The following ITGA4 variants were observed in gnomAD, a reference collection of about 807,000 sequenced individuals.
The protein encoded by ITGA4 is integrin alpha-4.
Under a neutral mutation model 133.6 loss-of-function variants are expected in ITGA4, and 63 were observed. The ratio of observed to expected loss-of-function variants is 0.47; its 90% CI spans 0.38 to 0.58. The LOEUF (loss-of-function observed/expected upper bound fraction) is 0.58. Among genes scored for constraint, ITGA4 ranks in the 20% least tolerant of loss-of-function variants. The probability of loss-of-function intolerance (pLI) is 0.00; values close to 1 mark genes in which losing one functional copy is unlikely to be tolerated. For missense variants in ITGA4, 1,076 were observed against 1,252.7 expected (o/e 0.86, Z 2.13); for synonymous variants, 483 against 438.0 (o/e 1.10, Z -1.28).
chr2:181,472,294 A>G (rs369575358), intron 2 of ITGA4, among the ~76,000 whole-genome samples: 11 of 152,290 alleles, frequency 7.2e-5, no homozygotes, highest in African/African-American at 2.6e-4. Context: ...TTTTTTGGCC[A>G]TTTTCATTAA....
At chr2:181,500,405 G>C (rs1686243416) in intron 15 of ITGA4, among the ~76,000 whole-genome samples, 1 of 152,076 alleles carries the variant, frequency 6.6e-6, no homozygotes. Flanking sequence ...ACCTCCACCA[G>C]GGTAATAGCC....
In ITGA4 at chr2:181,537,842, A is replaced by G. The variant is rs1687244638; in HGVS notation, c.*2315A>G. On this transcript the variant is annotated 3_prime_UTR_variant, in exon 28 of 28. Coordinates refer to ENST00000397033, the MANE Select transcript of ITGA4 (RefSeq NM_000885.6). ...CTAATTGTTAGTAACATCAATTTCT[A>G]TTAGGATATCCGTTTGGCCACACAG... The G allele has an allele frequency of 2.0e-6, 1 of 492,228 alleles. No homozygotes were observed. Among genetic ancestry groups the G allele is most frequent in the African/African-American group, 1.9e-5 (1 of 51,694 alleles). 30.5% of individuals were successfully genotyped at this position (492,228 alleles called of 1,614,324 possible).
rs202076926 is a variant in ITGA4, at chr2:181,522,205, A to G, written c.1937A>G (p.Lys646Arg). 5.9e-5 allele frequency: 93 copies of G among 1,583,984 alleles called. No homozygotes were observed. The highest frequency in any genetic ancestry group is 2.3e-4 in the Admixed American group (13 of 55,442). The part of the protein sequence containing the change: ...KIGFLKPHEN[K>R]TYLAVGSMKT... The stretch of plus-strand genomic sequence containing the variant: ...TTAATTTTTAGGCCCCATGAAAATA[A>G]AACATATCTTGCTGTTGGGAGTATG... The change falls in exon 18 of 28, where the codon AAA becomes AGA. Residue 646 changes from lysine (K) to arginine (R), a missense_variant. Lys to Arg is a conservative substitution (Grantham distance 26). This residue lies in a region of ITGA4 where 365 missense variants were observed against 421.4 expected (regional missense o/e 0.87). Transcript: ENST00000397033.
intron 2 of ITGA4, among the ~76,000 whole-genome samples, chr2:181,470,684 ACTT>A (rs149319590): frequency 0.013 from 1,958 of 152,198 alleles, 48 homozygotes; most frequent in African/African-American, 0.042. Flanking sequence ...TAGCAGTCTT[ACTT>A]CTTCTACCAA....
intron 23 of ITGA4, among the ~76,000 whole-genome samples, chr2:181,530,128 A>C (rs1458502281): frequency 6.6e-6 from 1 of 152,240 alleles, no homozygotes; most frequent in East Asian, 1.9e-4. Context: ...AAGTCAACAA[A>C]TCTACTAAAT....
At chr2:181,466,730 TAGTA>T (rs1685425343) in intron 2 of ITGA4, among the ~76,000 whole-genome samples, 1 of 152,156 alleles carries the variant, frequency 6.6e-6, no homozygotes, top group African/African-American at 2.4e-5. Context: ...TTAATGGATT[TAGTA>T]AGTATTAGGA....
intron 2 of ITGA4, 115 bp from the exon 3 acceptor site, chr2:181,474,845 G>A: frequency 1.4e-6 from 1 of 691,976 alleles, no homozygotes; most frequent in South Asian, 1.9e-5. Flanking sequence ...ATTGTGCACT[G>A]AATATAAGAT....
intron 15 of ITGA4, among the ~76,000 whole-genome samples, chr2:181,504,362 A>G (rs1340615770): frequency 6.6e-6 from 1 of 152,084 alleles, no homozygotes; most frequent in African/African-American, 2.4e-5. Flanking sequence ...TCTAAAACTC[A>G]TCTTTTTTCC....
At chr2:181,493,530 C>A in intron 11 of ITGA4, 111 bp downstream of exon 11, 1 of 568,424 alleles carries the variant, frequency 1.8e-6, no homozygotes, top group Non-Finnish European at 3.1e-6. Flanking sequence ...AAATACTTAA[C>A]ACTTTATTTC....
intron 17 of ITGA4, among the ~76,000 whole-genome samples, chr2:181,517,694 T>C (rs956505626): frequency 6.6e-6 from 1 of 152,066 alleles, no homozygotes; most frequent in Non-Finnish European, 1.5e-5. Context: ...GTAAGATGTA[T>C]ATTTAGGGGA....
chr2:181,523,445 G>A lies in ITGA4; in HGVS notation c.2082G>A (p.Lys694=). 1 of 1,601,718 alleles carries A rather than the reference G, an allele frequency of 6.2e-7. No homozygotes were observed. The highest frequency in any genetic ancestry group is 1.1e-5 in the South Asian group (1 of 90,772). ...YFIKILELEE[K]QINCEVTDNS... ...TTCATTTTTCCCATTAGGAAGAGAA[G>A]CAAATAAACTGTGAAGTCACAGATA... Residue 694 remains lysine, a synonymous_variant, in exon 19 of 28, where the codon AAG becomes AAA. Transcript: ENST00000397033. This position sits in a 1 kb window ranked among gnomAD's most constrained non-coding sequence, Gnocchi z 4.2.
Position 181,481,682 on chromosome 2 carries a change from A to T in ITGA4, c.839A>T (p.Lys280Met). ...GGAPQHEQIG[K>M]AYIFSIDEKE... is the part of the protein sequence containing the mutation. ...GCTCCTCAACATGAGCAGATTGGTAAGGTAAGAATTACATTTTTATATTTA... is the reference window on the plus strand; with the variant it reads ...GCTCCTCAACATGAGCAGATTGGTATGGTAAGAATTACATTTTTATATTTA... Residue 280 changes from lysine (K) to methionine (M), a missense_variant and splice_region_variant, in exon 7 of 28, where the codon AAG (lysine) becomes ATG (methionine). Lys to Met is a moderately conservative substitution (Grantham distance 95). Coordinates refer to ENST00000397033, the MANE Select transcript of ITGA4 (RefSeq NM_000885.6). 6.5e-7 allele frequency: 1 copy of T among 1,536,298 alleles called. No individual in the cohort carries two copies. Among genetic ancestry groups the T allele is most frequent in the Non-Finnish European group, 9.0e-7 (1 of 1,114,866 alleles).
chr2:181,458,647 T>A (rs990906801), intron 2 of ITGA4: 1 of 282,264 alleles, frequency 3.5e-6, no homozygotes, highest in South Asian at 4.9e-5. Context: ...AAGGACAGGA[T>A]CCAGCTAAGC....
At chr2:181,531,857 A>G (rs544611756) in intron 25 of ITGA4, 81 bp downstream of exon 25, 1 of 926,326 alleles carries the variant, frequency 1.1e-6, no homozygotes, top group Non-Finnish European at 1.6e-6. Flanking sequence ...GCAGGATAGT[A>G]TGAAGGCATT....
intron 15 of ITGA4, among the ~76,000 whole-genome samples, chr2:181,509,453 T>G (rs186670225): frequency 6.6e-6 from 1 of 152,108 alleles, no homozygotes; most frequent in Non-Finnish European, 1.5e-5. Context: ...ATTTTTATTT[T>G]TTTTGTGTTT....
intron 2 of ITGA4, among the ~76,000 whole-genome samples, chr2:181,460,566 AGT>A (rs61016862): frequency 0.29 from 43,007 of 147,880 alleles, 7,276 homozygotes; most frequent in Non-Finnish European, 0.38. Context: ...TCTGTAGAAG[AGT>A]GTGTGTGTGT....
At chr2:181,465,048 C>T (rs899869299) in intron 2 of ITGA4, among the ~76,000 whole-genome samples, 3 of 152,090 alleles carry the variant, frequency 2.0e-5, no homozygotes, top group African/African-American at 4.8e-5. Context: ...TTTTATGGGA[C>T]TCCTTGTGTG....
In ITGA4 at chr2:181,537,487, TTC is replaced by T. The variant is rs1239545770; in HGVS notation, c.*1962_*1963del. 2.2e-6 allele frequency: 1 copy of T among 453,352 alleles called. No homozygotes were observed. The highest frequency in any genetic ancestry group is 2.0e-5 in the African/African-American group (1 of 49,654). The allele number at this position is 453,352 out of a possible 1,614,324, so 28.1% of individuals were successfully genotyped here. On this transcript the variant is annotated 3_prime_UTR_variant, in exon 28 of 28. Coordinates refer to ENST00000397033, the MANE Select transcript of ITGA4 (RefSeq NM_000885.6). ...ACTTTAAGAAGACAGGGATGGGTTA[TTC>T]TTTTTTGGCAGGTAGGCTATATAAC...
chr2:181,522,219 G>C lies in ITGA4; in HGVS notation c.1951G>C (p.Val651Leu), dbSNP rs199790361. 6.3e-7 allele frequency: 1 copy of C among 1,592,434 alleles called. No individual in the cohort carries two copies. The highest frequency in any genetic ancestry group is 8.6e-7 in the Non-Finnish European group (1 of 1,166,908). Residue 651 changes from valine to leucine, a missense_variant, in exon 18 of 28, where the codon GTT (valine) becomes CTT (leucine). By Grantham distance (32) the Val-to-Leu change is conservative. Around this residue, in one of 4 missense-constraint regions of ITGA4, gnomAD observed 365 missense variants for 421.4 expected, o/e 0.87. Transcript: ENST00000397033. ...KPHENKTYLA[V>L]GSMKTLMLNV... ...CCATGAAAATAAAACATATCTTGCT[G>C]TTGGGAGTATGAAGACATTGATGTT...
Sources: gnomAD v4.1 joint callset for allele counts (sites outside exome capture counted in the v4.1 genomes callset) on GRCh38, gnomAD v4.1.1 for gene constraint, gnomAD v4.1.1 regional missense constraint, Gnocchi (gnomAD v3.1) non-coding constraint, MANE v1.5 for transcripts, NCBI Gene and HGNC (gene_info 2026-07-23, HGNC 2026-07-21) for gene names.